GNPDA2: variants seen among roughly 807,000 people sequenced by gnomAD.
GNPDA2 encodes glucosamine-6-phosphate deaminase 2, also known as glcN6P deaminase 2.
A neutral mutation model predicts 27.0 loss-of-function variants in GNPDA2; 24 were observed. That is an observed-to-expected ratio of 0.89 (90% CI 0.64 to 1.25). The LOEUF (loss-of-function observed/expected upper bound fraction) is 1.25, where lower values mean the gene tolerates loss of function less well. GNPDA2 is among the 50% of genes most tolerant of loss of function. The probability of loss-of-function intolerance (pLI) is 0.00; values close to 1 mark genes in which losing one functional copy is unlikely to be tolerated. For missense variants in GNPDA2, 286 were observed against 335.1 expected (o/e 0.85, Z 1.14); for synonymous variants, 94 against 108.4 (o/e 0.87, Z 0.83).
Position 44,722,186 on chromosome 4 carries a change from T to C in GNPDA2, c.22A>G (p.Asn8Asp). Reference protein sequence around the residue: MRLVILDNYDLASEWAAK... With the variant: MRLVILDDYDLASEWAAK... ...GCCCATTCACTAGCCAAGTCATAGT[T>C]ATCAAGAATTACAAGCCTCATTACG... Residue 8 changes from asparagine to aspartate, a missense_variant, in exon 2 of 7, where the codon AAC becomes GAC. Coordinates refer to ENST00000295448, the MANE Select transcript of GNPDA2 (RefSeq NM_138335.3). 1 of 1,613,470 alleles carries C rather than the reference T, an allele frequency of 6.2e-7. No homozygotes were observed. The highest frequency in any genetic ancestry group is 1.1e-5 in the South Asian group (1 of 91,006).
intron 5 of GNPDA2, among the ~76,000 whole-genome samples, chr4:44,709,804 A>AAAG (rs1716856868): frequency 6.6e-6 from 1 of 151,754 alleles, no homozygotes; most frequent in Admixed American, 6.6e-5. Flanking sequence ...CACTTCCAAA[A>AAAG]AAAAAAAAAT....
At chr4:44,721,029 TG>T (rs1222878856) in intron 2 of GNPDA2, among the ~76,000 whole-genome samples, 2 of 150,360 alleles carry the variant, frequency 1.3e-5, no homozygotes, top group Admixed American at 6.7e-5. Flanking sequence ...CTGAGGGTGC[TG>T]GGGGTGTAGT....
chr4:44,704,885 T>A (rs1716492638), intron 6 of GNPDA2: 1 of 983,520 alleles, frequency 1.0e-6, no homozygotes, highest in African/African-American at 1.7e-5. Context: ...GATGATGTCA[T>A]ATACTAAAAA....
rs377295852 is a variant in GNPDA2 at position 44,702,975 on chromosome 4, A to G, written c.*106T>C. 86 of 1,552,536 alleles carry G rather than the reference A, an allele frequency of 5.5e-5. No individual in the cohort carries two copies. The highest frequency in any genetic ancestry group is 3.2e-4 in the African/African-American group (23 of 71,794). Reference sequence around the variant, plus strand: ...TAGAGACTCGAATGAAAAAATGACAATCTTCAAAATTCCCCATGTTTTGTC... The same window carrying G: ...TAGAGACTCGAATGAAAAAATGACAGTCTTCAAAATTCCCCATGTTTTGTC... On this transcript the variant is annotated 3_prime_UTR_variant, in exon 7 of 7. Coordinates refer to ENST00000295448, the MANE Select transcript of GNPDA2 (RefSeq NM_138335.3).
In GNPDA2 at chr4:44,703,081, T is replaced by C; in HGVS notation, c.831A>G (p.Ter277TrpextTer9). Residue 277 changes from the stop codon to tryptophan, a stop_lost, in exon 7 of 7, where the codon TGA becomes TGG. Transcript: ENST00000295448. ...DPLFSMKDGN[*>W] ...AAGCTGAATTTTGCTCCAGTCTCCT[T>C]CAGTTTCCATCTTTCATACTGAATA... 1 of 1,611,818 alleles carries C rather than the reference T, an allele frequency of 6.2e-7. No homozygotes were observed. The highest frequency in any genetic ancestry group is 8.5e-7 in the Non-Finnish European group (1 of 1,178,972).
chr4:44,718,443 G>T, intron 2 of GNPDA2, 33 bp from the exon 3 acceptor site: 2 of 733,918 alleles, frequency 2.7e-6, no homozygotes, highest in South Asian at 5.2e-5. Context: ...TTTCTAAAAT[G>T]ACTTAATAAT....
intron 1 of GNPDA2, among the ~76,000 whole-genome samples, chr4:44,726,177 G>T (rs536806214): frequency 6.6e-6 from 1 of 152,160 alleles, no homozygotes; most frequent in East Asian, 1.9e-4. Flanking sequence ...TGCAAATGAG[G>T]ATGACTGTTA....
intron 6 of GNPDA2, chr4:44,704,616 G>A: frequency 1.2e-6 from 1 of 801,250 alleles, no homozygotes; most frequent in Non-Finnish European, 1.5e-6. Flanking sequence ...TGTGACTTTA[G>A]GTAAAAACTG....
At chr4:44,720,091 T>A (rs930235253) in intron 2 of GNPDA2, among the ~76,000 whole-genome samples, 3 of 152,022 alleles carry the variant, frequency 2.0e-5, no homozygotes, top group African/African-American at 7.3e-5. Flanking sequence ...GATTAAGGGA[T>A]ACACTTTCAA....
chr4:44,711,234 A>T lies in GNPDA2; in HGVS notation c.410-97T>A, dbSNP rs989169222. 3 of 654,876 alleles carry T rather than the reference A, an allele frequency of 4.6e-6. No individual in the cohort carries two copies. The African/African-American group carries it at 5.7e-5, about 12-fold the overall frequency. 40.6% of individuals were successfully genotyped at this position (654,876 alleles called of 1,614,324 possible). On this transcript the variant is annotated intron_variant, in intron 4 of 6. Coordinates refer to ENST00000295448, the MANE Select transcript of GNPDA2 (RefSeq NM_138335.3). The stretch of plus-strand genomic sequence containing the variant: ...AACAAAAAAAAAATCACCTTGTTTT[A>T]TTTTATACTTGAATTCCTATTACTG...
At chr4:44,717,343 A>T in intron 3 of GNPDA2, 48 bp from the exon 4 acceptor site, 1 of 1,085,268 alleles carries the variant, frequency 9.2e-7, no homozygotes, top group Non-Finnish European at 1.3e-6. Context: ...AATAAATCTA[A>T]AGTTTATTTT....
rs1440946713 is a variant in GNPDA2, at chr4:44,702,334, T to C, written c.*747A>G. 1 of 772,832 alleles carries C rather than the reference T, an allele frequency of 1.3e-6. No homozygotes were observed. The highest frequency in any genetic ancestry group is 1.6e-6 in the Non-Finnish European group (1 of 636,018). 47.9% of individuals were successfully genotyped at this position (772,832 alleles called of 1,614,324 possible). On this transcript the variant is annotated 3_prime_UTR_variant, in exon 7 of 7. Transcript: ENST00000295448. ...GTTTAACAATAATCAGAAAATATTCTCCAAAAGAATTTCCTGAAGTGGCTT... is the reference window on the plus strand; with the variant it reads ...GTTTAACAATAATCAGAAAATATTCCCCAAAAGAATTTCCTGAAGTGGCTT...
intron 4 of GNPDA2, among the ~76,000 whole-genome samples, chr4:44,716,150 G>A (rs74790872): frequency 0.051 from 7,680 of 151,870 alleles, 263 homozygotes; most frequent in East Asian, 0.15. Context: ...ATACTAAGTG[G>A]CTAAAACAGG....
intron 3 of GNPDA2, among the ~76,000 whole-genome samples, chr4:44,717,496 G>A (rs1717379283): frequency 6.6e-6 from 1 of 151,664 alleles, no homozygotes; most frequent in African/African-American, 2.4e-5. Flanking sequence ...AAACATCTAT[G>A]GAACACTATT....
At chr4:44,725,126 T>C (rs1717932330) in intron 1 of GNPDA2, among the ~76,000 whole-genome samples, 1 of 111,318 alleles carries the variant, frequency 9.0e-6, no homozygotes, top group Non-Finnish European at 2.3e-5. Flanking sequence ...CAACACACGT[T>C]TGAAGACCTA....
chr4:44,717,015 G>A, intron 4 of GNPDA2, 98 bp downstream of exon 4: 1 of 739,918 alleles, frequency 1.4e-6, no homozygotes, highest in Non-Finnish European at 2.2e-6. Context: ...AGCCACAGGT[G>A]CTCTTTACAT....
intron 1 of GNPDA2, among the ~76,000 whole-genome samples, chr4:44,723,899 A>G (rs1717839745): frequency 6.6e-6 from 1 of 152,116 alleles, no homozygotes; most frequent in Non-Finnish European, 1.5e-5. Flanking sequence ...GTTACCCCTT[A>G]TCTGCATGAA....
intron 1 of GNPDA2, among the ~76,000 whole-genome samples, chr4:44,722,898 C>T (rs1258164465): frequency 6.6e-6 from 1 of 152,102 alleles, no homozygotes; most frequent in Admixed American, 6.6e-5. Context: ...TGACTAAGGT[C>T]ACACAGGTAG....
At chr4:44,711,430 ATAT>A (rs1411577131) in intron 4 of GNPDA2, among the ~76,000 whole-genome samples, 2 of 152,174 alleles carry the variant, frequency 1.3e-5, no homozygotes, top group African/African-American at 4.8e-5. Context: ...AGATTATCAA[ATAT>A]TATTTAATAA....
Sources: allele counts gnomAD v4.1 joint callset (sites outside exome capture counted in the v4.1 genomes callset), GRCh38; gene constraint gnomAD v4.1.1; transcripts MANE v1.5; gene names NCBI Gene and HGNC (gene_info 2026-07-23, HGNC 2026-07-21).